IMPG2: variants seen among roughly 807,000 people sequenced by gnomAD.
IMPG2 encodes interphotoreceptor matrix proteoglycan 2.
A neutral mutation model predicts 129.2 loss-of-function variants in IMPG2; 91 were observed. That is an observed-to-expected ratio of 0.70 (90% CI 0.59 to 0.84). The LOEUF (loss-of-function observed/expected upper bound fraction) is 0.84, where lower values mean the gene tolerates loss of function less well. Among genes scored for constraint, IMPG2 ranks in the 40% least tolerant of loss-of-function variants. The pLI is 0.00. For synonymous variants in IMPG2, 510 were observed against 517.7 expected, an observed-to-expected ratio of 0.99 and a Z score of 0.20; for missense variants, 1,430 against 1,461.7, an observed-to-expected ratio of 0.98 and a Z score of 0.35.
At chr3:101,256,149 G>GAA (rs1474668723) in intron 10 of IMPG2, among the ~76,000 whole-genome samples, 1 of 34,614 alleles carries the variant, frequency 2.9e-5, no homozygotes, top group East Asian at 7.2e-4. Context: ...AGAAAGAAAA[G>GAA]AAAGAAAGAA....
intron 2 of IMPG2, among the ~76,000 whole-genome samples, chr3:101,310,384 T>C (rs1707251025): frequency 6.6e-6 from 1 of 151,958 alleles, no homozygotes; most frequent in Non-Finnish European, 1.5e-5. Context: ...CAACGATATC[T>C]TGTCTCTACG....
rs200968743 is a variant in IMPG2 at position 101,275,690 on chromosome 3, C to G, written c.639G>C (p.Glu213Asp). 57 of 1,613,886 alleles carry G rather than the reference C, an allele frequency of 3.5e-5. No individual in the cohort carries two copies. In the Admixed American group the frequency reaches 5.3e-4, roughly 15 times the overall value. Residue 213 changes from glutamate to aspartate, a missense_variant, in exon 6 of 19, where the codon GAG (glutamate) becomes GAC (aspartate). Glu to Asp is a conservative substitution (Grantham distance 45). Transcript: ENST00000193391. ...PEVDAYEGASESSLERPEESI... is the reference protein window; with the variant it reads ...PEVDAYEGASDSSLERPEESI... ...TCTCCTCTGGCCTTTCCAAGCTGCT[C>G]TCTGAGGCACCTTCATAGGCGTCCA...
intron 14 of IMPG2, among the ~76,000 whole-genome samples, chr3:101,234,696 C>T (rs1209800195): frequency 3.9e-5 from 6 of 152,158 alleles, no homozygotes; most frequent in African/African-American, 1.4e-4. Context: ...GATCCTTACC[C>T]AGCAGTGAGG....
chr3:101,247,164 TA>T (rs1334647543), intron 11 of IMPG2, among the ~76,000 whole-genome samples: 1 of 152,178 alleles, frequency 6.6e-6, no homozygotes, highest in African/African-American at 2.4e-5. Context: ...GGCAGAAGTT[TA>T]TATAGTTCAG....
At chr3:101,289,863 GAAAT>G (rs1197799676) in intron 4 of IMPG2, among the ~76,000 whole-genome samples, 3 of 151,104 alleles carry the variant, frequency 2.0e-5, no homozygotes, top group African/African-American at 7.3e-5. Flanking sequence ...GGGTCAGAGA[GAAAT>G]GGATGGAATC....
intron 3 of IMPG2, among the ~76,000 whole-genome samples, chr3:101,292,833 T>A (rs1284929533): frequency 3.3e-5 from 5 of 152,230 alleles, no homozygotes; most frequent in Admixed American, 6.5e-5. Context: ...TTCAATACTG[T>A]TCACAGCATC....
At chr3:101,242,955 G>T in intron 13 of IMPG2, 48 bp from the exon 14 acceptor site, 1 of 1,462,324 alleles carries the variant, frequency 6.8e-7, no homozygotes, top group South Asian at 1.1e-5. Context: ...GTCACATTTT[G>T]TTCAATACAT....
At chr3:101,308,083 A>T (rs1279226210) in intron 2 of IMPG2, among the ~76,000 whole-genome samples, 1 of 152,226 alleles carries the variant, frequency 6.6e-6, no homozygotes. Flanking sequence ...GGACTCCCAC[A>T]GTCTTGGGCA....
intron 3 of IMPG2, among the ~76,000 whole-genome samples, chr3:101,294,809 AT>A (rs1465370728): frequency 6.6e-6 from 1 of 152,154 alleles, no homozygotes; most frequent in Non-Finnish European, 1.5e-5. Context: ...ATGGTATGTC[AT>A]TTTGGTTTTG....
At chr3:101,293,106 C>T (rs1707039982) in intron 3 of IMPG2, among the ~76,000 whole-genome samples, 1 of 152,092 alleles carries the variant, frequency 6.6e-6, no homozygotes, top group African/African-American at 2.4e-5. Flanking sequence ...TTTGATCTCA[C>T]CTATTGAGTC....
At chr3:101,249,302 T>C (rs1407995541) in intron 11 of IMPG2, among the ~76,000 whole-genome samples, 1 of 152,214 alleles carries the variant, frequency 6.6e-6, no homozygotes, top group African/African-American at 2.4e-5. Context: ...GTGCCATCAT[T>C]TTATAATACA....
At chr3:101,244,982 A>G (rs1706460416) in intron 12 of IMPG2, among the ~76,000 whole-genome samples, 195 bp from the exon 13 acceptor site, 1 of 151,978 alleles carries the variant, frequency 6.6e-6, no homozygotes, top group Admixed American at 6.6e-5. Flanking sequence ...ACTCATGAAT[A>G]TTATCTCCTT....
At chr3:101,250,816 C>A (rs184149811) in intron 11 of IMPG2, among the ~76,000 whole-genome samples, 1 of 152,236 alleles carries the variant, frequency 6.6e-6, no homozygotes, top group African/African-American at 2.4e-5. Context: ...TATTCAAATA[C>A]CTGCTCTATG....
chr3:101,262,115 A>G (rs1706677472), intron 9 of IMPG2, among the ~76,000 whole-genome samples: 1 of 152,122 alleles, frequency 6.6e-6, no homozygotes, highest in South Asian at 2.1e-4. Context: ...GTGCTATCAC[A>G]TTTCATCAAG....
At chr3:101,272,229 G>A (rs1706793346) in intron 7 of IMPG2, among the ~76,000 whole-genome samples, 1 of 152,154 alleles carries the variant, frequency 6.6e-6, no homozygotes, top group African/African-American at 2.4e-5. Flanking sequence ...GAGAAGCTGA[G>A]GGAAAAATCC....
intron 4 of IMPG2, among the ~76,000 whole-genome samples, chr3:101,279,278 T>C (rs1168865307): frequency 6.6e-6 from 1 of 152,228 alleles, no homozygotes; most frequent in Non-Finnish European, 1.5e-5. Context: ...GGAGATCCTA[T>C]GATCCCATTT....
intron 2 of IMPG2, among the ~76,000 whole-genome samples, chr3:101,318,188 T>C (rs2058794945): frequency 1.5e-5 from 2 of 135,362 alleles, no homozygotes; most frequent in Non-Finnish European, 3.2e-5. Context: ...ATAATAATAA[T>C]ATAAAGTAAA....
chr3:101,260,524 C>T (rs1354797578), intron 9 of IMPG2, among the ~76,000 whole-genome samples: 1 of 152,104 alleles, frequency 6.6e-6, no homozygotes, highest in Non-Finnish European at 1.5e-5. Flanking sequence ...CTCACCACAC[C>T]ATAGTCACCC....
intron 17 of IMPG2, 103 bp downstream of exon 17, chr3:101,229,277 C>T: frequency 1.0e-6 from 1 of 962,288 alleles, no homozygotes; most frequent in Non-Finnish European, 1.7e-6. Context: ...AGTCCATGTG[C>T]ATGCACACAT....
Sources: gnomAD v4.1 joint callset for allele counts (sites outside exome capture counted in the v4.1 genomes callset) on GRCh38, gnomAD v4.1.1 for gene constraint, MANE v1.5 for transcripts, NCBI Gene and HGNC (gene_info 2026-07-23, HGNC 2026-07-21) for gene names.